SETD5: variants seen among roughly 807,000 people sequenced by gnomAD.
SETD5 encodes the protein SET domain containing 5, also known as histone-lysine N-methyltransferase SETD5.
SETD5 carries 44 observed loss-of-function variants against 153.3 expected under a neutral mutation model. The ratio of observed to expected loss-of-function variants is 0.29; its 90% CI spans 0.23 to 0.37. The LOEUF (loss-of-function observed/expected upper bound fraction) is 0.37, where lower values mean the gene tolerates loss of function less well. Ranked by LOEUF, SETD5 falls within the 10% of genes least tolerant of loss-of-function variation. The pLI is 1.00. For synonymous variants in SETD5, 716 were observed against 645.2 expected (o/e 1.11, Z -1.66); for missense variants, 1,544 against 1,768.0 (o/e 0.87, Z 2.27).
chr3:9,405,702 A>G (rs190098468), intron 1 of SETD5, among the ~76,000 whole-genome samples: 12 of 152,316 alleles, frequency 7.9e-5, no homozygotes, highest in Admixed American at 5.9e-4. Context: ...GGTTTCCAGT[A>G]TCATGTTAGC....
rs1009841940 is a variant in SETD5 at position 9,475,974 on chromosome 3, G to T, written c.4212G>T (p.Arg1404Ser). 3.1e-6 allele frequency: 5 copies of T among 1,613,994 alleles called. No individual in the cohort carries two copies. The highest frequency in any genetic ancestry group is 4.2e-6 in the Non-Finnish European group (5 of 1,179,896). ...AGTCAGCTGTCTACCAGGCCTCCAG[G>T]GTATCTGCGGTTTCCAATTCACAGC... ...AGQSAVYQASRVSAVSNSQHY... is the reference protein window; with the variant it reads ...AGQSAVYQASSVSAVSNSQHY... Residue 1404 changes from arginine (R) to serine (S), a missense_variant, in exon 23 of 23, where the codon AGG becomes AGT. Coordinates refer to ENST00000402198, the MANE Select transcript of SETD5 (RefSeq NM_001080517.3).
At position 9,476,960 on chromosome 3, in the gene SETD5, G is replaced by A. The variant is rs777350114; in HGVS notation, c.*869G>A. The A allele has an allele frequency of 2.0e-5, 3 of 152,654 alleles. No individual in the cohort carries two copies. The highest frequency in any genetic ancestry group is 2.9e-5 in the Non-Finnish European group (2 of 68,050). 9.5% of individuals were successfully genotyped at this position (152,654 alleles called of 1,614,324 possible). A position where few individuals can be genotyped will look rare whatever the true frequency, so the allele number is the denominator to read the frequency against. On this transcript the variant is annotated 3_prime_UTR_variant, in exon 23 of 23. Coordinates refer to ENST00000402198, the MANE Select transcript of SETD5 (RefSeq NM_001080517.3). The stretch of plus-strand genomic sequence containing the variant: ...ATTTCATTAGGAAGGATACCGAGTG[G>A]TTTGGGAATGCTTCGAATTTTATTT...
chr3:9,465,079 G>T, intron 18 of SETD5: 1 of 199,268 alleles, frequency 5.0e-6, no homozygotes. Flanking sequence ...TTCGTTTCTA[G>T]GCCTTTAAAT....
Position 9,441,544 on chromosome 3 carries a change from C to T in SETD5, c.811-49C>T, listed in dbSNP as rs1186227120. 5.1e-6 allele frequency: 8 copies of T among 1,572,550 alleles called. No homozygotes were observed. The South Asian group carries it at 7.8e-5, about 15-fold the overall frequency. On this transcript the variant is annotated intron_variant, in intron 8 of 22. Transcript: ENST00000402198. Reference sequence around the variant, plus strand: ...AATTATGAAGTAATTTGAGTGTCTACTAAGGTGTTCTTGCTGTTGTTTAAT... The same window carrying T: ...AATTATGAAGTAATTTGAGTGTCTATTAAGGTGTTCTTGCTGTTGTTTAAT...
intron 8 of SETD5, 85 bp downstream of exon 8, chr3:9,440,783 CTTCCAAA>C: frequency 6.8e-7 from 1 of 1,464,164 alleles, no homozygotes; most frequent in Non-Finnish European, 9.1e-7. Flanking sequence ...ATTACTGTTC[CTTCCAAA>C]TGTACAAGGC....
intron 12 of SETD5, 23 bp from the exon 13 acceptor site, chr3:9,445,634 T>C: frequency 6.3e-7 from 1 of 1,595,876 alleles, no homozygotes; most frequent in Non-Finnish European, 8.6e-7. Context: ...TGAGTACAGC[T>C]GAATATTGCC....
At chr3:9,475,012 T>C in intron 21 of SETD5, 56 bp from the exon 22 acceptor site, 2 of 1,476,066 alleles carry the variant, frequency 1.4e-6, no homozygotes. Flanking sequence ...AAATGGCTCT[T>C]TCTTACTTAT....
intron 18 of SETD5, chr3:9,468,433 A>G: frequency 8.2e-7 from 1 of 1,216,366 alleles, no homozygotes; most frequent in Non-Finnish European, 1.1e-6. Context: ...TATGGCTAAC[A>G]TCTATGCTTG....
In SETD5 at chr3:9,465,024, A is replaced by T. The variant is rs147835444; in HGVS notation, c.2724+352A>T. On this transcript the variant is annotated intron_variant, in intron 18 of 22. Transcript: ENST00000402198. ...CCTCTAGCTGCCTGTAGTATCTGTTAGTAACACTAGCCTGAGAGCACAGAT... is the reference window on the plus strand; with the variant it reads ...CCTCTAGCTGCCTGTAGTATCTGTTTGTAACACTAGCCTGAGAGCACAGAT... The T allele has an allele frequency of 1.8e-3, 552 of 311,368 alleles. 10 individuals carry two copies. In the East Asian group the frequency reaches 0.022, roughly 13 times the overall value. The allele number at this position is 311,368 out of a possible 1,614,324, so 19.3% of individuals were successfully genotyped here.
chr3:9,445,313 G>A lies in SETD5; in HGVS notation c.1440+13G>A. The A allele has an allele frequency of 6.3e-7, 1 of 1,595,934 alleles. No individual in the cohort carries two copies. The highest frequency in any genetic ancestry group is 1.1e-5 in the South Asian group (1 of 88,244). ...CAGTGATCATGAGGTAATCGCCCCT[G>A]GTCAAATGATGATGCTATGGCATCA... On this transcript the variant is annotated intron_variant, in intron 12 of 22. Coordinates refer to ENST00000402198, the MANE Select transcript of SETD5 (RefSeq NM_001080517.3).
chr3:9,401,778 T>C (rs1203532637), intron 1 of SETD5, among the ~76,000 whole-genome samples: 1 of 152,238 alleles, frequency 6.6e-6, no homozygotes, highest in Non-Finnish European at 1.5e-5. Flanking sequence ...ATCAGTTTAA[T>C]TTGAAGTCAG....
At chr3:9,468,984 GT>G (rs1161740473) in intron 18 of SETD5, among the ~76,000 whole-genome samples, 1 of 152,166 alleles carries the variant, frequency 6.6e-6, no homozygotes, top group East Asian at 1.9e-4. Context: ...TGTTTTTTGA[GT>G]TGGGTGGTGA....
chr3:9,440,787 C>G, intron 8 of SETD5, 89 bp downstream of exon 8: 2 of 1,447,780 alleles, frequency 1.4e-6, no homozygotes. Context: ...CTGTTCCTTC[C>G]AAATGTACAA....
At chr3:9,400,246 T>C (rs1243462352) in intron 1 of SETD5, among the ~76,000 whole-genome samples, 1 of 152,232 alleles carries the variant, frequency 6.6e-6, no homozygotes, top group African/African-American at 2.4e-5. Flanking sequence ...GATTTTTGTT[T>C]TTTGGCAGAT....
chr3:9,452,451 AAGAT>A (rs1455294307), intron 16 of SETD5, among the ~76,000 whole-genome samples: 1 of 152,176 alleles, frequency 6.6e-6, no homozygotes, highest in African/African-American at 2.4e-5. Flanking sequence ...TTCTGTATCT[AAGAT>A]AGTTCATTCT....
Position 9,470,906 on chromosome 3 carries a change from C to A in SETD5, c.3172C>A (p.Gln1058Lys), listed in dbSNP as rs1165727019. Residue 1058 changes from glutamine to lysine, a missense_variant, in exon 19 of 23, where the codon CAG becomes AAG. Gln to Lys is a moderately conservative substitution (Grantham distance 53). Coordinates refer to ENST00000402198, the MANE Select transcript of SETD5 (RefSeq NM_001080517.3). ...RACEGVPSAP[Q>K]NPPQRKKVSL... The stretch of plus-strand genomic sequence containing the variant: ...CTGTGAAGGAGTCCCATCTGCCCCC[C>A]AGAACCCACCACAGAGGAAAAAAGT... The A allele has an allele frequency of 5.0e-6, 8 of 1,594,126 alleles. No homozygotes were observed. In the Admixed American group the frequency reaches 1.2e-4, roughly 24 times the overall value.
At position 9,434,033 on chromosome 3, in the gene SETD5, G is replaced by A. The variant is rs1009088419; in HGVS notation, c.177+83G>A. On this transcript the variant is annotated intron_variant, in intron 4 of 22. Coordinates refer to ENST00000402198, the MANE Select transcript of SETD5 (RefSeq NM_001080517.3). This position sits in a 1 kb window ranked among gnomAD's most constrained non-coding sequence, Gnocchi z 5.6. Reference sequence around the variant, plus strand: ...TTATACATTGTGACTTTCTTGAAATGTTTATATGCAGCATGACGAAGTTGC... The same window carrying A: ...TTATACATTGTGACTTTCTTGAAATATTTATATGCAGCATGACGAAGTTGC... 23 of 1,612,060 alleles carry A rather than the reference G, an allele frequency of 1.4e-5. No individual in the cohort carries two copies. The highest frequency in any genetic ancestry group is 1.8e-5 in the Non-Finnish European group (21 of 1,179,598).
intron 16 of SETD5, among the ~76,000 whole-genome samples, chr3:9,450,522 G>A (rs1436135269): frequency 1.3e-5 from 2 of 152,180 alleles, no homozygotes; most frequent in African/African-American, 4.8e-5. Flanking sequence ...GTTTTAGCTA[G>A]AATAGAATTT....
intron 18 of SETD5, among the ~76,000 whole-genome samples, chr3:9,468,339 G>A (rs2125552868): frequency 6.6e-6 from 1 of 152,146 alleles, no homozygotes; most frequent in South Asian, 2.1e-4. Flanking sequence ...ATTTTAACAA[G>A]TCATTCTGTC....
Sources: allele counts gnomAD v4.1 joint callset (sites outside exome capture counted in the v4.1 genomes callset), GRCh38; gene constraint gnomAD v4.1.1; non-coding constraint Gnocchi (gnomAD v3.1); transcripts MANE v1.5; gene names NCBI Gene and HGNC (gene_info 2026-07-23, HGNC 2026-07-21).